The following EMID1 variants were observed in gnomAD, a reference collection of about 807,000 sequenced individuals.
The protein encoded by EMID1 is EMI domain-containing protein 1.
Under a neutral mutation model 60.6 loss-of-function variants are expected in EMID1, and 40 were observed. The ratio of observed to expected loss-of-function variants is 0.66; its 90% CI spans 0.51 to 0.86. The LOEUF is 0.86. Ranked by LOEUF, EMID1 falls within the 40% of genes least tolerant of loss-of-function variation. EMID1 has a pLI of 0.00. For synonymous variants in EMID1, 242 were observed against 231.0 expected (o/e 1.05, Z -0.43); for missense variants, 585 against 597.1 (o/e 0.98, Z 0.21).
Position 29,243,352 on chromosome 22 carries a change from C to G in EMID1, c.1075-93C>G. 4.6e-6 allele frequency: 6 copies of G among 1,305,594 alleles called. 1 individual carries two copies. The South Asian group carries it at 7.7e-5, about 17-fold the overall frequency. The allele number at this position is 1,305,594 out of a possible 1,614,324, so 80.9% of individuals were successfully genotyped here. On this transcript the variant is annotated intron_variant, in intron 12 of 14. Transcript: ENST00000334018. The stretch of plus-strand genomic sequence containing the variant: ...ACTTTCTGTTTCTCTAAGTTTCTCT[C>G]CCTTTCCCCGCTCTTTTTCCTCCCT...
At position 29,233,615 on chromosome 22, in the gene EMID1, T is replaced by C; in HGVS notation, c.915T>C (p.Gly305=). The change falls in exon 10 of 15, where the codon GGT becomes GGC. Residue 305 remains glycine, a splice_region_variant and synonymous_variant. Coordinates refer to ENST00000334018, the MANE Select transcript of EMID1 (RefSeq NM_133455.4). ...TGPPGPPGPM[G]PPGPPGPTGV... Reference sequence around the variant, plus strand: ...TTAGGACATCCTGTCTTTTTCCAGGTCCCCCTGGGCCTCCTGGCCCCACAG... The same window carrying C: ...TTAGGACATCCTGTCTTTTTCCAGGCCCCCCTGGGCCTCCTGGCCCCACAG... 2 of 1,613,310 alleles carry C rather than the reference T, an allele frequency of 1.2e-6. No individual in the cohort carries two copies. Among genetic ancestry groups the C allele is most frequent in the Non-Finnish European group, 1.7e-6 (2 of 1,179,428 alleles).
intron 13 of EMID1, among the ~76,000 whole-genome samples, 167 bp downstream of exon 13, chr22:29,243,656 C>T (rs1054677737): frequency 1.8e-4 from 27 of 152,246 alleles, no homozygotes; most frequent in African/African-American, 6.5e-4. Context: ...CCAACTCCTT[C>T]CCCCATCTTG....
chr22:29,208,283 C>T (rs954840855), intron 1 of EMID1, among the ~76,000 whole-genome samples: 1 of 152,196 alleles, frequency 6.6e-6, no homozygotes, highest in African/African-American at 2.4e-5. Flanking sequence ...GAGGCTTTGT[C>T]CTGGGGAGGG....
At chr22:29,255,942 G>A (rs945516579) in intron 14 of EMID1, among the ~76,000 whole-genome samples, 3 of 152,304 alleles carry the variant, frequency 2.0e-5, no homozygotes, top group South Asian at 2.1e-4. Flanking sequence ...GGGTAGTACA[G>A]GAGGTGGTTA....
chr22:29,245,448 C>T (rs1169050124), intron 13 of EMID1, among the ~76,000 whole-genome samples: 1 of 152,178 alleles, frequency 6.6e-6, no homozygotes, highest in Non-Finnish European at 1.5e-5. Context: ...CTGTGGGCTC[C>T]CCGCAAGAGG....
At chr22:29,235,292 G>C (rs2040903703) in intron 12 of EMID1, among the ~76,000 whole-genome samples, 1 of 148,866 alleles carries the variant, frequency 6.7e-6, no homozygotes, top group Admixed American at 6.7e-5. Context: ...AGGTTGCAGT[G>C]AGCTGAGATC....
At chr22:29,218,527 T>G (rs2040169534) in intron 3 of EMID1, among the ~76,000 whole-genome samples, 1 of 152,168 alleles carries the variant, frequency 6.6e-6, no homozygotes, top group East Asian at 1.9e-4. Flanking sequence ...AGCAAGCTTC[T>G]GTGCCCCCAG....
At chr22:29,206,837 T>G (rs2039678517) in intron 1 of EMID1, among the ~76,000 whole-genome samples, 1 of 152,232 alleles carries the variant, frequency 6.6e-6, no homozygotes, top group South Asian at 2.1e-4. Context: ...ATTCAACGGT[T>G]AAGCAAACTG....
Position 29,258,933 on chromosome 22 carries a change from G to A in EMID1, c.1321G>A (p.Glu441Lys), listed in dbSNP as rs766791685. Residue 441 changes from glutamate (E) to lysine (K), a missense_variant, in exon 15 of 15, where the codon GAG (glutamate) becomes AAG (lysine). Physicochemically the swap from Glu to Lys is moderately conservative, Grantham distance 56. Transcript: ENST00000334018. ...YRIVAPRSRD[E>K]RG ...GATCGTGGCCCCCAGGAGCCGGGAC[G>A]AGAGAGGCTGAGGGTGGTGGCGGCC... 60 of 1,612,490 alleles carry A rather than the reference G, an allele frequency of 3.7e-5. No homozygotes were observed. The Admixed American group carries it at 5.2e-4, about 14-fold the overall frequency.
intron 13 of EMID1, among the ~76,000 whole-genome samples, chr22:29,244,955 A>T (rs1298286414): frequency 6.6e-6 from 1 of 151,966 alleles, no homozygotes; most frequent in Non-Finnish European, 1.5e-5. Context: ...TGGCTGGGAC[A>T]CCCTACTTCC....
At chr22:29,215,676 G>A (rs1045541793) in intron 3 of EMID1, 46 bp downstream of exon 3, 11 of 1,501,674 alleles carry the variant, frequency 7.3e-6, no homozygotes, top group Non-Finnish European at 1.0e-5. Flanking sequence ...CAGCAGGCCA[G>A]GTGCCTCCCT....
chr22:29,209,162 G>T (rs1309902159), intron 1 of EMID1, among the ~76,000 whole-genome samples: 3 of 152,204 alleles, frequency 2.0e-5, no homozygotes, highest in Non-Finnish European at 2.9e-5. Context: ...CCGGATCGCA[G>T]CCCTGGGCCC....
chr22:29,242,984 A>T (rs2041205678), intron 12 of EMID1, among the ~76,000 whole-genome samples: 1 of 152,180 alleles, frequency 6.6e-6, no homozygotes, highest in Non-Finnish European at 1.5e-5. Context: ...TGATTGGTCA[A>T]TCCAGGGACC....
intron 13 of EMID1, among the ~76,000 whole-genome samples, chr22:29,244,380 C>T (rs561688170): frequency 2.0e-5 from 3 of 152,166 alleles, no homozygotes; most frequent in Admixed American, 2.0e-4. Context: ...AACTTGAGGT[C>T]AGGAGTTTGA....
chr22:29,232,069 G>A, intron 7 of EMID1, 187 bp from the exon 8 acceptor site: 1 of 638,054 alleles, frequency 1.6e-6, no homozygotes, highest in Non-Finnish European at 2.7e-6. Context: ...GGAAGACTCA[G>A]CCTGGACGAG....
chr22:29,209,957 C>G (rs1381912852), intron 1 of EMID1, among the ~76,000 whole-genome samples: 1 of 151,944 alleles, frequency 6.6e-6, no homozygotes, highest in Non-Finnish European at 1.5e-5. Context: ...CTCCTGCTAC[C>G]CCTGGAAGGT....
At chr22:29,218,890 C>T (rs1029830018) in intron 3 of EMID1, among the ~76,000 whole-genome samples, 4 of 152,236 alleles carry the variant, frequency 2.6e-5, no homozygotes, top group Non-Finnish European at 5.9e-5. Context: ...TAAGGTCACA[C>T]AGCAAGCAAG....
At chr22:29,251,533 T>C (rs2146442760) in intron 13 of EMID1, among the ~76,000 whole-genome samples, 1 of 151,662 alleles carries the variant, frequency 6.6e-6, no homozygotes, top group Admixed American at 6.6e-5. Context: ...GGTCTTGCTC[T>C]GTCACCCATC....
At chr22:29,216,102 G>A (rs907496354) in intron 3 of EMID1, among the ~76,000 whole-genome samples, 5 of 151,992 alleles carry the variant, frequency 3.3e-5, no homozygotes, top group East Asian at 1.9e-4. Flanking sequence ...TGCACTCCCC[G>A]CCCCCCCACC....
Sources: gnomAD v4.1 joint callset for allele counts (sites outside exome capture counted in the v4.1 genomes callset) on GRCh38, gnomAD v4.1.1 for gene constraint, MANE v1.5 for transcripts, NCBI Gene and HGNC (gene_info 2026-07-23, HGNC 2026-07-21) for gene names.